ANKFY1: variants seen among roughly 807,000 people sequenced by gnomAD.
ANKFY1 encodes ankyrin repeat and FYVE domain-containing protein 1.
Under a neutral mutation model 128.3 loss-of-function variants are expected in ANKFY1, and 47 were observed. The ratio of observed to expected loss-of-function variants is 0.37; its 90% confidence interval spans 0.29 to 0.47. ANKFY1 has a LOEUF of 0.47. Ranked by LOEUF, ANKFY1 falls within the 20% of genes least tolerant of loss-of-function variation. ANKFY1 has a pLI of 1.00. For missense variants in ANKFY1, 1,222 were observed against 1,510.6 expected, an observed-to-expected ratio of 0.81 and a Z score of 3.17; for synonymous variants, 553 against 601.6, an observed-to-expected ratio of 0.92 and a Z score of 1.18.
rs2059267056 is a variant in ANKFY1 at position 4,169,120 on chromosome 17, GC to G, written c.3377+77del. The G allele has an allele frequency of 2.9e-6, 4 of 1,371,182 alleles. No homozygotes were observed. Among genetic ancestry groups the G allele is most frequent in the African/African-American group, 2.9e-5 (2 of 69,476 alleles). The allele number at this position is 1,371,182 out of a possible 1,614,324, so 84.9% of individuals were successfully genotyped here. A position where few individuals can be genotyped will look rare whatever the true frequency, so the allele number is the denominator to read the frequency against. ...TGTGCAGGACCCAGGCAAGTTCACG[GC>G]CTGTCCTGGAGAAGGGGGGAAGCAA... On this transcript the variant is annotated intron_variant, in intron 24 of 24. Coordinates refer to ENST00000341657, the MANE Select transcript of ANKFY1 (RefSeq NM_001330063.2). The surrounding 1 kb of genome is among the most constrained non-coding windows in gnomAD (Gnocchi z 5.0).
chr17:4,204,501 C>T (rs749640199), intron 7 of ANKFY1, among the ~76,000 whole-genome samples: 4 of 152,244 alleles, frequency 2.6e-5, no homozygotes, highest in Non-Finnish European at 5.9e-5. Context: ...ATTATACCCA[C>T]GCTGTAATCC....
At chr17:4,176,338 G>A (rs1322339265) in intron 19 of ANKFY1, among the ~76,000 whole-genome samples, 1 of 152,202 alleles carries the variant, frequency 6.6e-6, no homozygotes, top group African/African-American at 2.4e-5. Context: ...ATGTGTCTGG[G>A]GCTGACAGGA....
chr17:4,192,727 G>A (rs1484579495), intron 10 of ANKFY1, among the ~76,000 whole-genome samples: 1 of 152,176 alleles, frequency 6.6e-6, no homozygotes, highest in African/African-American at 2.4e-5. Flanking sequence ...ACCCATGACT[G>A]CCAAAACATC....
chr17:4,196,997 T>C (rs1314672469), intron 8 of ANKFY1, among the ~76,000 whole-genome samples: 2 of 152,180 alleles, frequency 1.3e-5, no homozygotes, highest in Admixed American at 6.5e-5. Flanking sequence ...CGTGTGCCTG[T>C]AGTCTCACCT....
At chr17:4,193,520 C>T (rs1378834071) in intron 10 of ANKFY1, among the ~76,000 whole-genome samples, 1 of 149,744 alleles carries the variant, frequency 6.7e-6, no homozygotes, top group Non-Finnish European at 1.5e-5. Flanking sequence ...CTCCGCTTCC[C>T]GGGTTCAAGT....
intron 7 of ANKFY1, among the ~76,000 whole-genome samples, chr17:4,206,023 T>A (rs555407192): frequency 5.9e-5 from 9 of 152,332 alleles, no homozygotes; most frequent in Admixed American, 5.9e-4. Context: ...AAGCCATCCA[T>A]TGAACAAGCA....
intron 1 of ANKFY1, among the ~76,000 whole-genome samples, chr17:4,257,430 T>C (rs1567984423): frequency 6.6e-6 from 1 of 152,182 alleles, no homozygotes; most frequent in Non-Finnish European, 1.5e-5. Context: ...GCTGAACCAA[T>C]GCCCTTAATA....
rs569200365 is a variant in ANKFY1 at position 4,203,700 on chromosome 17, A to G, written c.898+2621T>C. 2.1e-3 allele frequency among the ~76,000 whole-genome samples: 316 copies of G among 151,920 alleles called. 1 individual carries two copies. Among genetic ancestry groups the G allele is most frequent in the Middle Eastern group, 0.01 (3 of 294 alleles). On this transcript the variant is annotated intron_variant, in intron 7 of 24. Coordinates refer to ENST00000341657, the MANE Select transcript of ANKFY1 (RefSeq NM_001330063.2). ...CGTGGTGGCAGGTGCCTGTAATCCC[A>G]GCTACTCAGGAGGCTGAGGCAGGAG... is the stretch of plus-strand genomic sequence containing the variant.
intron 24 of ANKFY1, chr17:4,168,123 A>T (rs2059244216): frequency 4.6e-6 from 2 of 435,288 alleles, no homozygotes; most frequent in Non-Finnish European, 8.1e-6. Context: ...TTAAAGCAAT[A>T]CTGAAGAAGG....
At chr17:4,177,607 G>C (rs1344431382) in intron 18 of ANKFY1, among the ~76,000 whole-genome samples, 1 of 152,184 alleles carries the variant, frequency 6.6e-6, no homozygotes, top group East Asian at 1.9e-4. Context: ...ACAATCTGAA[G>C]GATAGGGAAA....
At chr17:4,183,048 G>A (rs183133806) in intron 14 of ANKFY1, among the ~76,000 whole-genome samples, 12 of 152,328 alleles carry the variant, frequency 7.9e-5, no homozygotes, top group South Asian at 2.1e-4. Flanking sequence ...GGAGGCCGCA[G>A]TGAGCCGAGA....
chr17:4,217,567 G>A (rs1413076085), intron 3 of ANKFY1, among the ~76,000 whole-genome samples: 1 of 152,180 alleles, frequency 6.6e-6, no homozygotes, highest in Non-Finnish European at 1.5e-5. Context: ...TGACTCAGCA[G>A]TCTGGGCAAC....
At chr17:4,226,792 A>G (rs543508529) in intron 3 of ANKFY1, among the ~76,000 whole-genome samples, 1 of 152,010 alleles carries the variant, frequency 6.6e-6, no homozygotes, top group East Asian at 1.9e-4. Flanking sequence ...CAACAGAGAA[A>G]ATTAACAAAG....
chr17:4,263,713 G>A (rs1278674239), intron 1 of ANKFY1: 2 of 1,483,642 alleles, frequency 1.3e-6, no homozygotes, highest in Admixed American at 2.5e-5. Context: ...GCCGGCCGCA[G>A]TCCCGCGGGG....
chr17:4,262,764 C>CA (rs1968491645), intron 1 of ANKFY1, among the ~76,000 whole-genome samples: 2 of 152,104 alleles, frequency 1.3e-5, no homozygotes, highest in African/African-American at 4.8e-5. Flanking sequence ...ACACACACAC[C>CA]CCCCAAAACC....
chr17:4,211,041 C>T (rs574631612), intron 4 of ANKFY1, among the ~76,000 whole-genome samples: 1 of 149,412 alleles, frequency 6.7e-6, no homozygotes, highest in African/African-American at 2.5e-5. Flanking sequence ...ACAACAACAA[C>T]AAAAAAAATA....
intron 4 of ANKFY1, chr17:4,216,444 G>C (rs1354324132): frequency 6.1e-6 from 1 of 163,612 alleles, no homozygotes; most frequent in African/African-American, 2.4e-5. Flanking sequence ...CAACTTGGGA[G>C]AGCAACAGAG....
At chr17:4,218,341 AT>A (rs1435409987) in intron 3 of ANKFY1, among the ~76,000 whole-genome samples, 1 of 152,264 alleles carries the variant, frequency 6.6e-6, no homozygotes, top group African/African-American at 2.4e-5. Context: ...AATTAAATAA[AT>A]TACAATATAC....
chr17:4,256,212 AACT>A (rs1968109427), intron 1 of ANKFY1, among the ~76,000 whole-genome samples: 2 of 152,190 alleles, frequency 1.3e-5, no homozygotes, highest in South Asian at 4.1e-4. Context: ...GCGGATTACG[AACT>A]GAGGAGATCG....
Sources: allele counts gnomAD v4.1 joint callset (sites outside exome capture counted in the v4.1 genomes callset), GRCh38; gene constraint gnomAD v4.1.1; non-coding constraint Gnocchi (gnomAD v3.1); transcripts MANE v1.5; gene names NCBI Gene and HGNC (gene_info 2026-07-23, HGNC 2026-07-21).